Variants in IGSF21 observed in about 807,000 individuals in gnomAD.
IGSF21 encodes the protein immunoglobulin superfamily member 21.
In IGSF21, 28 loss-of-function variants were observed where a neutral mutation model predicts 46.8. That is an observed-to-expected ratio of 0.60 (90% CI 0.44 to 0.82). IGSF21 has a LOEUF of 0.82. Ranked by LOEUF, IGSF21 falls within the 40% of genes least tolerant of loss-of-function variation. IGSF21 has a pLI of 0.00. For synonymous variants in IGSF21, 284 were observed against 273.6 expected, an observed-to-expected ratio of 1.04 and a Z score of -0.38; for missense variants, 624 against 665.5, an observed-to-expected ratio of 0.94 and a Z score of 0.69.
chr1:18,367,795 G>T (rs2086183379), intron 6 of IGSF21, among the ~76,000 whole-genome samples: 1 of 151,022 alleles, frequency 6.6e-6, no homozygotes, highest in Admixed American at 6.6e-5. Flanking sequence ...AATAGAGGTG[G>T]GGTTTCACCA....
intron 1 of IGSF21, among the ~76,000 whole-genome samples, chr1:18,225,085 T>TCTCACACA: frequency 9.7e-4 from 50 of 51,612 alleles, no homozygotes; most frequent in African/African-American, 3.4e-3. Flanking sequence ...TCTCTCTCTC[T>TCTCACACA]CACACACACA....
chr1:18,222,085 G>A (rs1234065998), intron 1 of IGSF21, among the ~76,000 whole-genome samples: 3 of 152,134 alleles, frequency 2.0e-5, no homozygotes, highest in Non-Finnish European at 1.5e-5. Context: ...GCTCTTCACC[G>A]CTGTGCTCCT....
At chr1:18,188,609 C>T (rs1361597977) in intron 1 of IGSF21, among the ~76,000 whole-genome samples, 1 of 152,128 alleles carries the variant, frequency 6.6e-6, no homozygotes, top group Non-Finnish European at 1.5e-5. Context: ...CAGACCTGGG[C>T]GTGTAGACTC....
intron 1 of IGSF21, among the ~76,000 whole-genome samples, chr1:18,143,186 G>A (rs1016056458): frequency 1.3e-5 from 2 of 152,214 alleles, no homozygotes; most frequent in South Asian, 2.1e-4. Flanking sequence ...GCTCAGCCAG[G>A]CAGCTGCTTG....
intron 4 of IGSF21, among the ~76,000 whole-genome samples, chr1:18,349,713 G>C (rs1337560093): frequency 2.0e-5 from 3 of 152,150 alleles, no homozygotes; most frequent in Non-Finnish European, 2.9e-5. Context: ...ACTTTACGTA[G>C]TGCTCACAAG....
At chr1:18,358,239 CA>C (rs1383495404) in intron 4 of IGSF21, among the ~76,000 whole-genome samples, 1 of 151,922 alleles carries the variant, frequency 6.6e-6, no homozygotes, top group Non-Finnish European at 1.5e-5. Flanking sequence ...AAGTCTAGAC[CA>C]GAGTTGTCCA....
In IGSF21 at chr1:18,108,193, C is replaced by A. The variant is rs1441647073; in HGVS notation, c.65C>A (p.Ala22Glu). Reference protein sequence around the residue: ...CLLLAAILDLARGYLTVNIEP... With the variant: ...CLLLAAILDLERGYLTVNIEP... The stretch of plus-strand genomic sequence containing the variant: ...CTGCTCGCCGCGATCCTGGACCTGG[C>A]GCGCGGTGAGTGCGCGGGCGCCTGG... The change falls in exon 1 of 10, where the codon GCG becomes GAG. Residue 22 changes from alanine to glutamate, a missense_variant. Transcript: ENST00000251296. The A allele has an allele frequency of 1.4e-6, 2 of 1,430,038 alleles. No individual in the cohort carries two copies. The highest frequency in any genetic ancestry group is 1.4e-5 in the South Asian group (1 of 71,920). 88.6% of individuals were successfully genotyped at this position (1,430,038 alleles called of 1,614,324 possible).
chr1:18,319,504 T>G (rs1001279914), intron 3 of IGSF21, among the ~76,000 whole-genome samples: 2 of 152,246 alleles, frequency 1.3e-5, no homozygotes, highest in African/African-American at 2.4e-5. Context: ...ACACAGGCTG[T>G]AAGCCCGTGA....
rs2086290980 is a variant in IGSF21 at position 18,377,094 on chromosome 1, G to A, written c.1294+102G>A. ...GAAGCAGTAGGGGCCCAAAATTTTG[G>A]GCCTAAATCTCCCAAATTTGCCCTG... On this transcript the variant is annotated intron_variant, in intron 8 of 9. Transcript: ENST00000251296. 3.1e-6 allele frequency: 4 copies of A among 1,298,326 alleles called. No homozygotes were observed. In the Admixed American group the frequency reaches 8.1e-5, roughly 26 times the overall value. 80.4% of individuals were successfully genotyped at this position (1,298,326 alleles called of 1,614,324 possible). A position where few individuals can be genotyped will look rare whatever the true frequency, so the allele number is the denominator to read the frequency against.
intron 4 of IGSF21, among the ~76,000 whole-genome samples, chr1:18,349,752 C>A (rs2085931314): frequency 6.6e-6 from 1 of 152,080 alleles, no homozygotes; most frequent in Non-Finnish European, 1.5e-5. Flanking sequence ...TTGTGATGAT[C>A]CCATTTCACT....
chr1:18,172,492 C>T (rs72655132), intron 1 of IGSF21, among the ~76,000 whole-genome samples: 20 of 152,280 alleles, frequency 1.3e-4, no homozygotes, highest in African/African-American at 3.9e-4. Context: ...CCAGCAGGGT[C>T]GGGTTCTGGG....
chr1:18,117,163 T>TTGAACCTCCACTG (rs1437362445), intron 1 of IGSF21, among the ~76,000 whole-genome samples: 1 of 152,226 alleles, frequency 6.6e-6, no homozygotes, highest in African/African-American at 2.4e-5. Flanking sequence ...GGGTTATAAA[T>TTGAACCTCCACTG]GGTTGCTCTG....
chr1:18,242,631 C>T (rs1266930446), intron 2 of IGSF21, among the ~76,000 whole-genome samples: 1 of 152,060 alleles, frequency 6.6e-6, no homozygotes, highest in Non-Finnish European at 1.5e-5. Flanking sequence ...TGTAAGAAGG[C>T]TGTTTATTTC....
chr1:18,268,916 G>C (rs1015464533), intron 2 of IGSF21, among the ~76,000 whole-genome samples: 1 of 152,146 alleles, frequency 6.6e-6, no homozygotes, highest in Non-Finnish European at 1.5e-5. Context: ...ATATAGGACA[G>C]GCCCACCTCA....
chr1:18,255,439 G>C (rs1195464716), intron 2 of IGSF21, among the ~76,000 whole-genome samples: 1 of 152,098 alleles, frequency 6.6e-6, no homozygotes, highest in Non-Finnish European at 1.5e-5. Flanking sequence ...ATCCTCACAG[G>C]ACACACAGAT....
chr1:18,174,214 T>C (rs1382583956), intron 1 of IGSF21, among the ~76,000 whole-genome samples: 1 of 152,142 alleles, frequency 6.6e-6, no homozygotes, highest in Non-Finnish European at 1.5e-5. Context: ...CCTGGGATCT[T>C]TCATCTAAAT....
chr1:18,294,317 G>C (rs1451806840), intron 3 of IGSF21, among the ~76,000 whole-genome samples: 1 of 152,102 alleles, frequency 6.6e-6, no homozygotes, highest in African/African-American at 2.4e-5. Context: ...CCATTGCCTA[G>C]AACAACCTCT....
chr1:18,124,040 G>T (rs1171379986), intron 1 of IGSF21, among the ~76,000 whole-genome samples: 1 of 152,206 alleles, frequency 6.6e-6, no homozygotes, highest in Non-Finnish European at 1.5e-5. Flanking sequence ...GAGGGACAGG[G>T]CTTCAGAGCA....
At chr1:18,115,567 G>A (rs2086180350) in intron 1 of IGSF21, 1 of 152,210 alleles carries the variant, frequency 6.6e-6, no homozygotes, top group African/African-American at 2.4e-5. Flanking sequence ...GTTGCCTCTG[G>A]AAGTCCTTTC....
Sources: allele counts gnomAD v4.1 joint callset (sites outside exome capture counted in the v4.1 genomes callset), GRCh38; gene constraint gnomAD v4.1.1; transcripts MANE v1.5; gene names NCBI Gene and HGNC (gene_info 2026-07-23, HGNC 2026-07-21).